Variants in UNC13C observed in about 807,000 individuals in gnomAD.
UNC13C encodes protein unc-13 homolog C.
UNC13C carries 174 observed loss-of-function variants against 245.4 expected under a neutral mutation model. The ratio of observed to expected loss-of-function variants is 0.71; its 90% confidence interval spans 0.63 to 0.80. The LOEUF is 0.80. Among genes scored for constraint, UNC13C ranks in the 30% least tolerant of loss-of-function variants. The pLI is 0.00. For missense variants in UNC13C, 2,829 were observed against 2,602.9 expected (o/e 1.09, Z -1.89); for synonymous variants, 992 against 895.1 (o/e 1.11, Z -1.93).
intron 4 of UNC13C, among the ~76,000 whole-genome samples, chr15:54,202,798 A>C (rs12437680): frequency 0.19 from 28,726 of 152,080 alleles, 2,954 homozygotes; most frequent in East Asian, 0.24. Context: ...AAATGCAATG[A>C]AAACAAAGAT....
intron 13 of UNC13C, among the ~76,000 whole-genome samples, chr15:54,310,870 A>C (rs2037854491): frequency 6.6e-6 from 1 of 151,828 alleles, no homozygotes; most frequent in Non-Finnish European, 1.5e-5. Context: ...ATACTGATTC[A>C]TATTTTTCCT....
At chr15:54,231,991 C>G (rs1274762626) in intron 4 of UNC13C, among the ~76,000 whole-genome samples, 2 of 152,010 alleles carry the variant, frequency 1.3e-5, no homozygotes, top group African/African-American at 4.8e-5. Context: ...TAAGAAGCCT[C>G]CCAATAAACA....
At chr15:54,304,665 A>AC (rs1379457172) in intron 13 of UNC13C, among the ~76,000 whole-genome samples, 5 of 151,510 alleles carry the variant, frequency 3.3e-5, no homozygotes, top group Non-Finnish European at 7.4e-5. Context: ...AAAAAAAAAA[A>AC]AAAAAAACCC....
intron 24 of UNC13C, among the ~76,000 whole-genome samples, chr15:54,514,134 G>T (rs964288381): frequency 1.3e-5 from 2 of 152,138 alleles, no homozygotes; most frequent in African/African-American, 4.8e-5. Flanking sequence ...CAATATTGTT[G>T]TATAAACATG....
chr15:54,044,323 C>T, intron 2 of UNC13C: 1 of 188,410 alleles, frequency 5.3e-6, no homozygotes. Context: ...TCCATTCATC[C>T]CTCTATATGC....
At chr15:54,336,789 G>C (rs2038588109) in intron 16 of UNC13C, among the ~76,000 whole-genome samples, 1 of 152,040 alleles carries the variant, frequency 6.6e-6, no homozygotes, top group Admixed American at 6.6e-5. Context: ...GACCATATAT[G>C]TATGGGTCTA....
At chr15:54,361,900 T>C (rs1255077809) in intron 17 of UNC13C, among the ~76,000 whole-genome samples, 1 of 146,410 alleles carries the variant, frequency 6.8e-6, no homozygotes, top group South Asian at 2.3e-4. Flanking sequence ...TATATTGCTG[T>C]CCTGCTATTT....
the UNC13C span, among the ~76,000 whole-genome samples, chr15:53,838,788 G>A: frequency 6.6e-6 from 1 of 152,042 alleles, no homozygotes; most frequent in East Asian, 1.9e-4. Flanking sequence ...GGAAGAGCTT[G>A]TTAAAACATG....
chr15:54,305,318 G>A (rs2037697629), intron 13 of UNC13C, among the ~76,000 whole-genome samples: 1 of 152,102 alleles, frequency 6.6e-6, no homozygotes, highest in African/African-American at 2.4e-5. Context: ...TAATAAGGGT[G>A]AGAGCACACT....
intron 18 of UNC13C, among the ~76,000 whole-genome samples, chr15:54,402,799 T>C (rs1448590255): frequency 2.0e-5 from 3 of 152,188 alleles, no homozygotes; most frequent in Non-Finnish European, 4.4e-5. Context: ...GGGTTAATGT[T>C]AACAAAAGGA....
intron 17 of UNC13C, among the ~76,000 whole-genome samples, chr15:54,388,697 C>G (rs2039889142): frequency 6.6e-6 from 1 of 152,094 alleles, no homozygotes; most frequent in Admixed American, 6.6e-5. Flanking sequence ...TTACCTATGT[C>G]TCTTATAAAA....
chr15:54,007,235 C>T (rs1212661274), intron 1 of UNC13C, among the ~76,000 whole-genome samples: 2 of 152,110 alleles, frequency 1.3e-5, no homozygotes, highest in African/African-American at 4.8e-5. Context: ...ACACGTAACA[C>T]AACTTAATGC....
chr15:53,868,823 A>G, the UNC13C span, among the ~76,000 whole-genome samples: 8 of 152,234 alleles, frequency 5.3e-5, no homozygotes, highest in Non-Finnish European at 1.0e-4. Context: ...GGGCCATATT[A>G]AAAACAAGAA....
intron 20 of UNC13C, among the ~76,000 whole-genome samples, chr15:54,497,089 C>T (rs982081047): frequency 6.6e-6 from 1 of 152,038 alleles, no homozygotes; most frequent in South Asian, 2.1e-4. Flanking sequence ...AACAGAGGAG[C>T]TATTTGCCAG....
intron 5 of UNC13C, among the ~76,000 whole-genome samples, chr15:54,235,777 G>A (rs1427637437): frequency 1.3e-5 from 2 of 152,124 alleles, no homozygotes; most frequent in Admixed American, 1.3e-4. Flanking sequence ...CGTGAACCCG[G>A]GAGGCGGAGC....
the UNC13C span, among the ~76,000 whole-genome samples, chr15:53,939,555 T>C: frequency 1.3e-5 from 2 of 152,158 alleles, no homozygotes; most frequent in African/African-American, 4.8e-5. Flanking sequence ...TTCAGGCCAG[T>C]ATCCCTGACA....
At chr15:53,909,731 G>A in the UNC13C span, among the ~76,000 whole-genome samples, 1 of 146,582 alleles carries the variant, frequency 6.8e-6, no homozygotes, top group East Asian at 2.0e-4. Context: ...CCCCTTTTAA[G>A]CTAATTTATC....
At chr15:53,908,441 G>A in the UNC13C span, among the ~76,000 whole-genome samples, 1 of 145,874 alleles carries the variant, frequency 6.9e-6, no homozygotes, top group Non-Finnish European at 1.5e-5. Flanking sequence ...ACAACCCTTT[G>A]GGGAGTATAC....
intron 13 of UNC13C, among the ~76,000 whole-genome samples, chr15:54,316,015 T>G (rs1173609605): frequency 1.3e-5 from 2 of 151,852 alleles, no homozygotes; most frequent in Non-Finnish European, 2.9e-5. Flanking sequence ...AAACTCATCC[T>G]CCTACATGCT....
Sources: gnomAD v4.1 joint callset for allele counts (sites outside exome capture counted in the v4.1 genomes callset) on GRCh38, gnomAD v4.1.1 for gene constraint, MANE v1.5 for transcripts, NCBI Gene and HGNC (gene_info 2026-07-23, HGNC 2026-07-21) for gene names.